PLXNA1: variants seen among roughly 807,000 people sequenced by gnomAD.
PLXNA1 encodes plexin-A1.
A neutral mutation model predicts 191.7 loss-of-function variants in PLXNA1; 77 were observed. The observed-to-expected ratio is 0.40, with a 90% confidence interval of 0.33 to 0.49. The LOEUF (loss-of-function observed/expected upper bound fraction) is 0.49. Among genes scored for constraint, PLXNA1 ranks in the 20% least tolerant of loss-of-function variants. PLXNA1 has a pLI of 0.63. For synonymous variants in PLXNA1, 1,137 were observed against 1,156.4 expected, an observed-to-expected ratio of 0.98 and a Z score of 0.34; for missense variants, 2,110 against 2,660.2, an observed-to-expected ratio of 0.79 and a Z score of 4.55.
chr3:127,016,681 A>G lies in PLXNA1; in HGVS notation c.3179A>G (p.Asn1060Ser), dbSNP rs1377687182. Residue 1060 changes from asparagine to serine, a missense_variant, in exon 16 of 32, where the codon AAC becomes AGC. Around this residue, in one of 4 missense-constraint regions of PLXNA1, gnomAD observed 644 missense variants for 714.3 expected, o/e 0.90. Transcript: ENST00000393409. Reference protein sequence around the residue: ...ILRIDPEWSINSGGTLLTVTG... With the variant: ...ILRIDPEWSISSGGTLLTVTG... ...AGGATCGACCCCGAGTGGAGCATCAACAGGTGGGGCCCAGCAACACCCATT... is the reference window on the plus strand; with the variant it reads ...AGGATCGACCCCGAGTGGAGCATCAGCAGGTGGGGCCCAGCAACACCCATT... 2 of 1,613,932 alleles carry G rather than the reference A, an allele frequency of 1.2e-6. No homozygotes were observed. Among genetic ancestry groups the G allele is most frequent in the African/African-American group, 1.3e-5 (1 of 75,068 alleles).
intron 21 of PLXNA1, 116 bp from the exon 22 acceptor site, chr3:127,021,969 C>G (rs968950834): frequency 6.9e-7 from 1 of 1,447,814 alleles, no homozygotes; most frequent in African/African-American, 1.4e-5. Context: ...GCCTTCCAGG[C>G]CTGTCCTCTG....
intron 10 of PLXNA1, 84 bp downstream of exon 10, chr3:127,012,242 G>A: frequency 7.2e-7 from 1 of 1,389,480 alleles, no homozygotes; most frequent in South Asian, 1.3e-5. Context: ...GCGTGTGCTT[G>A]TTCATAAAGG....
Position 127,033,200 on chromosome 3 carries a change from C to T in PLXNA1, c.5595+364C>T, listed in dbSNP as rs143274855. 1.2e-3 allele frequency among the ~76,000 whole-genome samples: 181 copies of T among 152,338 alleles called. 1 individual carries two copies. The highest frequency in any genetic ancestry group is 4.1e-3 in the African/African-American group (172 of 41,574). ...TCCAGGGCTGGGCATAGGCTCTTGG[C>T]AGAGCTTTCCTTTCAGTATCTTTTC... On this transcript the variant is annotated intron_variant, in intron 31 of 31. Coordinates refer to ENST00000393409, the MANE Select transcript of PLXNA1 (RefSeq NM_032242.4).
At chr3:127,004,837 G>C in intron 5 of PLXNA1, 48 bp from the exon 6 acceptor site, 1 of 1,566,382 alleles carries the variant, frequency 6.4e-7, no homozygotes, top group South Asian at 1.2e-5. Flanking sequence ...TGGCAGGCGG[G>C]CCCCGTAGGT....
intron 20 of PLXNA1, among the ~76,000 whole-genome samples, chr3:127,019,846 C>T (rs2079143846): frequency 2.0e-5 from 3 of 152,172 alleles, no homozygotes; most frequent in African/African-American, 7.2e-5. Context: ...TGGGACCTCA[C>T]CCCTGGCCGC....
chr3:127,033,388 G>T (rs1245164189), intron 31 of PLXNA1, among the ~76,000 whole-genome samples: 1 of 152,210 alleles, frequency 6.6e-6, no homozygotes, highest in African/African-American at 2.4e-5. Flanking sequence ...AAGGCCACGG[G>T]AGTGAACCAG....
intron 3 of PLXNA1, among the ~76,000 whole-genome samples, chr3:127,000,046 A>G (rs1347313108): frequency 1.3e-5 from 2 of 151,678 alleles, no homozygotes; most frequent in African/African-American, 4.8e-5. Flanking sequence ...CAAGGGGCAT[A>G]TCCAGGGAGG....
rs2079028350 is a variant in PLXNA1, at chr3:126,999,279, G to T, written c.1378-4051G>T. On this transcript the variant is annotated intron_variant, in intron 3 of 31. Transcript: ENST00000393409. ...GCTGCCTCTGCAGAAAGGCTGAGAA[G>T]TGTGTGAGGCCTCCACGTGTGGGCA... Among the ~76,000 whole-genome samples the T allele has an allele frequency of 9.8e-5, 15 of 152,328 alleles. No homozygotes were observed. The South Asian group carries it at 3.1e-3, about 32-fold the overall frequency.
chr3:127,005,171 G>A lies in PLXNA1; in HGVS notation c.1825G>A (p.Val609Ile), dbSNP rs143376196. The change falls in exon 7 of 32, where the codon GTC (valine) becomes ATC (isoleucine). Residue 609 changes from valine (V) to isoleucine (I), a missense_variant. Val to Ile is a conservative substitution (Grantham distance 29). Transcript: ENST00000393409. ...CGAGGACTTCACGGAATCTGAGAGC[G>A]TCCTGGAGGATGGCCGGATCCACTG... The part of the protein sequence containing the change: ...SFEDFTESES[V>I]LEDGRIHCRS... 305 of 1,612,614 alleles carry A rather than the reference G, an allele frequency of 1.9e-4. No individual in the cohort carries two copies. Among genetic ancestry groups the A allele is most frequent in the Non-Finnish European group, 2.4e-4 (282 of 1,179,910 alleles).
chr3:127,020,051 TG>T, intron 20 of PLXNA1, 150 bp from the exon 21 acceptor site: 4 of 896,148 alleles, frequency 4.5e-6, no homozygotes, highest in South Asian at 1.7e-5. Context: ...CTGTAGTAGC[TG>T]GGGGACGAAG....
At chr3:127,011,441 C>A (rs1389555313) in intron 9 of PLXNA1, among the ~76,000 whole-genome samples, 1 of 152,222 alleles carries the variant, frequency 6.6e-6, no homozygotes, top group African/African-American at 2.4e-5. Context: ...AGCCTGTTTT[C>A]AGCATCCCTA....
chr3:127,001,056 A>G (rs1349763896), intron 3 of PLXNA1, among the ~76,000 whole-genome samples: 1 of 152,108 alleles, frequency 6.6e-6, no homozygotes, highest in Non-Finnish European at 1.5e-5. Context: ...TGTCAGAGCC[A>G]ACTGTCCAGT....
chr3:126,994,699 T>A (rs2079006789), intron 3 of PLXNA1, among the ~76,000 whole-genome samples: 1 of 152,096 alleles, frequency 6.6e-6, no homozygotes, highest in Non-Finnish European at 1.5e-5. Context: ...CTTCTCCTCG[T>A]CTCTCCTTGT....
At position 127,015,261 on chromosome 3, in the gene PLXNA1, C is replaced by T; in HGVS notation, c.2955C>T (p.His985=). The part of the protein sequence containing the change: ...GGTWIGIEGS[H]LNAGSDVAVS... ...CCTGGATTGGCATCGAGGGAAGCCA[C>T]CTGAACGCAGGCAGTGATGTGGCTG... Residue 985 remains histidine (H), a synonymous_variant, in exon 15 of 32, where the codon CAC becomes CAT. Transcript: ENST00000393409. 2 of 1,613,296 alleles carry T rather than the reference C, an allele frequency of 1.2e-6. No homozygotes were observed. Among genetic ancestry groups the T allele is most frequent in the African/African-American group, 2.7e-5 (2 of 75,044 alleles).
rs1049355540 is a variant in PLXNA1 at position 126,983,156 on chromosome 3, C to G, written c.-205C>G. 6.9e-6 allele frequency among the ~76,000 whole-genome samples: 1 copy of G among 145,490 alleles called. No individual in the cohort carries two copies. Among genetic ancestry groups the G allele is most frequent in the East Asian group, 2.0e-4 (1 of 4,984 alleles). ...GGCTGCGCGGCCACGCAGCGGAGCCCGGGCGCGGCGGCGGCCTCGGCCTGG... is the reference window on the plus strand; with the variant it reads ...GGCTGCGCGGCCACGCAGCGGAGCCGGGGCGCGGCGGCGGCCTCGGCCTGG... On this transcript the variant is annotated 5_prime_UTR_variant, in exon 1 of 32. Coordinates refer to ENST00000393409, the MANE Select transcript of PLXNA1 (RefSeq NM_032242.4).
At chr3:127,026,732 G>C (rs2079178324) in intron 23 of PLXNA1, 2 of 152,414 alleles carry the variant, frequency 1.3e-5, no homozygotes, top group Admixed American at 1.3e-4. Context: ...CAGAGCTGCT[G>C]TTTGTTTGCC....
At chr3:127,024,703 G>A (rs1340547988) in intron 23 of PLXNA1, among the ~76,000 whole-genome samples, 1 of 152,076 alleles carries the variant, frequency 6.6e-6, no homozygotes. Context: ...GTTCTAGGAG[G>A]ACCCCTATAT....
At chr3:127,023,233 C>G (rs1020861816) in intron 23 of PLXNA1, among the ~76,000 whole-genome samples, 1 of 152,212 alleles carries the variant, frequency 6.6e-6, no homozygotes, top group Non-Finnish European at 1.5e-5. Flanking sequence ...ATTCAAGCCC[C>G]TCCCACCCCC....
In PLXNA1 at chr3:126,991,370, G is replaced by A; in HGVS notation, c.1195-14G>A. The stretch of plus-strand genomic sequence containing the variant: ...GTGCCCGGGGAGTGGCTCTCACCCT[G>A]CCCCTTCCCACAGCCCCTGCAGATC... On this transcript the variant is annotated splice_polypyrimidine_tract_variant and intron_variant, in intron 2 of 31. Transcript: ENST00000393409. 1 of 1,611,898 alleles carries A rather than the reference G, an allele frequency of 6.2e-7. No individual in the cohort carries two copies. Among genetic ancestry groups the A allele is most frequent in the Non-Finnish European group, 8.5e-7 (1 of 1,179,502 alleles).
Sources: gnomAD v4.1 joint callset for allele counts (sites outside exome capture counted in the v4.1 genomes callset) on GRCh38, gnomAD v4.1.1 for gene constraint, gnomAD v4.1.1 regional missense constraint, MANE v1.5 for transcripts, NCBI Gene and HGNC (gene_info 2026-07-23, HGNC 2026-07-21) for gene names.